Variants in DCST1 observed in about 807,000 individuals in gnomAD.
The protein encoded by DCST1 is E3 ubiquitin-protein ligase DCST1.
Under a neutral mutation model 89.1 loss-of-function variants are expected in DCST1, and 78 were observed. The ratio of observed to expected loss-of-function variants is 0.88; its 90% CI spans 0.73 to 1.06. DCST1 has a LOEUF of 1.06. Among genes scored for constraint, DCST1 ranks in the 50% least tolerant of loss-of-function variants. DCST1 has a pLI of 0.00. For missense variants in DCST1, 900 were observed against 928.6 expected (o/e 0.97, Z 0.40); for synonymous variants, 364 against 371.9 (o/e 0.98, Z 0.24).
chr1:155,048,077 G>A lies in DCST1; in HGVS notation c.1776G>A (p.Leu592=), dbSNP rs750171084. 55 of 1,613,872 alleles carry A rather than the reference G, an allele frequency of 3.4e-5. No individual in the cohort carries two copies. The highest frequency in any genetic ancestry group is 1.6e-4 in the Middle Eastern group (1 of 6,084). The part of the protein sequence containing the change: ...YFPKREKKRI[L]FLYNDLLKKR... ...CCCAGCGAGAGAAGAAGCGGATCCT[G>A]TTCCTCTACAATGACCTATTGAAGA... Residue 592 remains leucine (L), a synonymous_variant, in exon 16 of 17, where the codon CTG becomes CTA. Transcript: ENST00000295542.
At position 155,043,509 on chromosome 1, in the gene DCST1, C is replaced by G. The variant is rs565707008; in HGVS notation, c.1172C>G (p.Ala391Gly). 1.6e-5 allele frequency: 26 copies of G among 1,581,344 alleles called. No individual in the cohort carries two copies. In the African/African-American group the frequency reaches 3.1e-4, roughly 19 times the overall value. ...TGCACTTTCCTGCTGGTCCTGCATG[C>G]GTGAGCCATAGTCCCCACCCCAGCA... ...LSCTFLLVLH[A>G]SFSYMDSYNH... The change falls in exon 10 of 17, where the codon GCG becomes GGG. Residue 391 changes from alanine to glycine, a missense_variant and splice_region_variant. Physicochemically the swap from Ala to Gly is moderately conservative, Grantham distance 60 (BLOSUM62 0). Transcript: ENST00000295542.
chr1:155,040,559 A>G lies in DCST1; in HGVS notation c.466A>G (p.Asn156Asp). ...GGGCTGCACCGTGGAGCTGCAGATC[A>G]ACAACACCCGCGCAGCTTGGCGCAT... Reference protein sequence around the residue: ...SLGCTVELQINNTRAAWRIST... With the variant: ...SLGCTVELQIDNTRAAWRIST... Residue 156 changes from asparagine to aspartate, a missense_variant, in exon 6 of 17, where the codon AAC (asparagine) becomes GAC (aspartate). Physicochemically the swap from Asn to Asp is conservative, Grantham distance 23. Coordinates refer to ENST00000295542, the MANE Select transcript of DCST1 (RefSeq NM_152494.4). 6.3e-7 allele frequency: 1 copy of G among 1,592,224 alleles called. No individual in the cohort carries two copies. The highest frequency in any genetic ancestry group is 8.6e-7 in the Non-Finnish European group (1 of 1,168,482).
At chr1:155,046,513 A>G (rs1177598771) in intron 13 of DCST1, 27 bp downstream of exon 13, 3 of 1,610,116 alleles carry the variant, frequency 1.9e-6, no homozygotes, top group Admixed American at 3.3e-5. Flanking sequence ...GACACATTCC[A>G]GGCCCAAGAG....
chr1:155,049,271 G>A (rs370970198), intron 16 of DCST1: 2 of 528,722 alleles, frequency 3.8e-6, no homozygotes, highest in African/African-American at 3.8e-5. Flanking sequence ...GTACTTACAT[G>A]GTGCTGGCAT....
chr1:155,045,031 C>T (rs896527823), intron 10 of DCST1, among the ~76,000 whole-genome samples: 9 of 152,172 alleles, frequency 5.9e-5, no homozygotes, highest in South Asian at 2.1e-4. Context: ...GAAAGGACAG[C>T]TGGCGGGAGG....
At chr1:155,043,246 C>A in intron 9 of DCST1, 106 bp from the exon 10 acceptor site, 1 of 1,531,796 alleles carries the variant, frequency 6.5e-7, no homozygotes, top group South Asian at 1.2e-5. Flanking sequence ...CCTGGGAGGG[C>A]CCCAGGGACA....
rs1210781034 is a variant in DCST1, at chr1:155,034,722, T to G, written c.257T>G (p.Leu86Trp). 6.2e-7 allele frequency: 1 copy of G among 1,614,134 alleles called. No individual in the cohort carries two copies. Residue 86 changes from leucine (L) to tryptophan (W), a missense_variant, in exon 4 of 17, where the codon TTG becomes TGG. Coordinates refer to ENST00000295542, the MANE Select transcript of DCST1 (RefSeq NM_152494.4). ...CAGAAGATTATGTTCTTGTACAGCT[T>G]GGTGGGTTAGTGCTGGGCAAAAGCC... Reference protein sequence around the residue: ...EEQKIMFLYSLVGLGAMGWGT... With the variant: ...EEQKIMFLYSWVGLGAMGWGT...
At chr1:155,040,027 A>G (rs901105418) in intron 5 of DCST1, among the ~76,000 whole-genome samples, 2 of 130,732 alleles carry the variant, frequency 1.5e-5, no homozygotes, top group Admixed American at 8.3e-5. Context: ...AAAAAAGGCC[A>G]GGCACGGTGG....
chr1:155,048,871 G>A, intron 16 of DCST1: 1 of 619,828 alleles, frequency 1.6e-6, no homozygotes. Context: ...CAAGGGACAG[G>A]AGGAGGCAGG....
chr1:155,050,789 G>GC lies in DCST1; in HGVS notation c.2045dup (p.Val683GlyfsTer14). The GC allele has an allele frequency of 6.2e-7, 1 of 1,611,614 alleles. No individual in the cohort carries two copies. Among genetic ancestry groups the GC allele is most frequent in the Non-Finnish European group, 8.5e-7 (1 of 1,179,092 alleles). On this transcript the variant is annotated frameshift_variant, in exon 17 of 17. Transcript: ENST00000295542. LOFTEE classifies it high-confidence loss of function. ...TGCTGGGACGACATGCGGCAGCGGT[G>GC]CCCGGTCTGCACGCCCCGCGAAGAG...
At position 155,041,877 on chromosome 1, in the gene DCST1, G is replaced by T. The variant is rs765903717; in HGVS notation, c.892+20G>T. On this transcript the variant is annotated intron_variant, in intron 8 of 16. Coordinates refer to ENST00000295542, the MANE Select transcript of DCST1 (RefSeq NM_152494.4). ...CCAAGGGTCTGCACAGTTGCAAAGG[G>T]GTGGGGAGCATCGGGGTAGGGAGCT... 1.2e-5 allele frequency: 20 copies of T among 1,613,968 alleles called. 1 individual carries two copies. In the South Asian group the frequency reaches 2.2e-4, roughly 18 times the overall value.
chr1:155,046,331 C>T (rs1660627132), intron 12 of DCST1, 29 bp from the exon 13 acceptor site: 2 of 1,614,060 alleles, frequency 1.2e-6, no homozygotes, highest in African/African-American at 1.3e-5. Context: ...TGGCACTGCC[C>T]AGCTCTGCCC....
At chr1:155,045,784 T>C (rs1442576873) in intron 10 of DCST1, 109 bp from the exon 11 acceptor site, 1 of 889,704 alleles carries the variant, frequency 1.1e-6, no homozygotes, top group Non-Finnish European at 1.9e-6. Context: ...TGGTGCTCAA[T>C]GAATGCTGGC....
chr1:155,041,086 G>T (rs1660423619), intron 6 of DCST1, among the ~76,000 whole-genome samples: 1 of 152,166 alleles, frequency 6.6e-6, no homozygotes, highest in East Asian at 1.9e-4. Context: ...GTGGTGAAGG[G>T]TAAGGTCTAA....
At chr1:155,046,600 C>CT (rs71077975) in intron 13 of DCST1, 114 bp downstream of exon 13, 13,099 of 533,326 alleles carry the variant, frequency 0.025, 2 homozygotes, top group Non-Finnish European at 0.03. Flanking sequence ...CCTTCTGCCT[C>CT]TTTTTTTTTT....
At position 155,040,537 on chromosome 1, in the gene DCST1, C is replaced by G; in HGVS notation, c.444C>G (p.Gly148=). ...HNLNNVIASL[G]CTVELQINNT... ...TCAACAACGTGATCGCATCGCTGGGCTGCACCGTGGAGCTGCAGATCAACA... is the reference window on the plus strand; with the variant it reads ...TCAACAACGTGATCGCATCGCTGGGGTGCACCGTGGAGCTGCAGATCAACA... Residue 148 remains glycine (G), a synonymous_variant, in exon 6 of 17, where the codon GGC becomes GGG. Transcript: ENST00000295542. The G allele has an allele frequency of 6.3e-7, 1 of 1,594,018 alleles. No individual in the cohort carries two copies. Among genetic ancestry groups the G allele is most frequent in the Non-Finnish European group, 8.6e-7 (1 of 1,169,312 alleles).
In DCST1 at chr1:155,046,471, C is replaced by G; in HGVS notation, c.1480C>G (p.Gln494Glu). The change falls in exon 13 of 17, where the codon CAG becomes GAG. Residue 494 changes from glutamine to glutamate, a missense_variant. By Grantham distance (29) the Gln-to-Glu change is conservative. Coordinates refer to ENST00000295542, the MANE Select transcript of DCST1 (RefSeq NM_152494.4). ...CACCATCCGCCACCACTCCTTCCTGCAGTACTCCTTCCGCAGTAAGCCCAT... is the reference window on the plus strand; with the variant it reads ...CACCATCCGCCACCACTCCTTCCTGGAGTACTCCTTCCGCAGTAAGCCCAT... ...FDTIRHHSFL[Q>E]YSFRSSHKLE... The G allele has an allele frequency of 6.2e-7, 1 of 1,614,028 alleles. No individual in the cohort carries two copies. Among genetic ancestry groups the G allele is most frequent in the Non-Finnish European group, 8.5e-7 (1 of 1,180,002 alleles).
At chr1:155,044,473 C>G (rs1010867952) in intron 10 of DCST1, among the ~76,000 whole-genome samples, 2 of 104,160 alleles carry the variant, frequency 1.9e-5, no homozygotes, top group Non-Finnish European at 3.5e-5. Context: ...AGAGTGAGAG[C>G]TTGTCTCAAA....
rs1219912116 is a variant in DCST1, at chr1:155,043,600, C to T, written c.1172+91C>T. On this transcript the variant is annotated intron_variant, in intron 10 of 16. Transcript: ENST00000295542. ...GGCTGTAAGGATGGAACCCTAGCAC[C>T]TATCCTCACCTCTGAATCTGAATAT... 10 of 1,368,586 alleles carry T rather than the reference C, an allele frequency of 7.3e-6. No homozygotes were observed. In the Admixed American group the frequency reaches 1.2e-4, roughly 16 times the overall value. 84.8% of individuals were successfully genotyped at this position (1,368,586 alleles called of 1,614,324 possible).
Sources: allele counts gnomAD v4.1 joint callset (sites outside exome capture counted in the v4.1 genomes callset), GRCh38; gene constraint gnomAD v4.1.1; transcripts MANE v1.5; gene names NCBI Gene and HGNC (gene_info 2026-07-23, HGNC 2026-07-21).